PSPC1: variants seen among roughly 807,000 people sequenced by gnomAD.
The protein encoded by PSPC1 is paraspeckle component 1, also known as paraspeckle protein 1.
A neutral mutation model predicts 51.6 loss-of-function variants in PSPC1; 14 were observed. The ratio of observed to expected loss-of-function variants is 0.27; its 90% confidence interval spans 0.18 to 0.42. The LOEUF is 0.42. PSPC1 is among the 10% of genes least tolerant of loss of function. The pLI is 1.00. For missense variants in PSPC1, 406 were observed against 701.1 expected, an observed-to-expected ratio of 0.58 and a Z score of 4.75; for synonymous variants, 193 against 231.9, an observed-to-expected ratio of 0.83 and a Z score of 1.53.
chr13:19,771,756 G>A (rs561837877), intron 2 of PSPC1, among the ~76,000 whole-genome samples: 1 of 152,102 alleles, frequency 6.6e-6, no homozygotes, highest in Non-Finnish European at 1.5e-5. Context: ...CAGTAGCTGG[G>A]ACTACAGGCA....
chr13:19,700,335 A>G (rs780549222), downstream of PSPC1, among the ~76,000 whole-genome samples: 9 of 152,102 alleles, frequency 5.9e-5, no homozygotes, highest in Non-Finnish European at 8.8e-5. Context: ...TACAATTCCT[A>G]TTTTTATTAA....
intron 7 of PSPC1, among the ~76,000 whole-genome samples, chr13:19,709,121 T>A (rs1443673659): frequency 7.1e-6 from 1 of 140,088 alleles, no homozygotes; most frequent in Non-Finnish European, 1.5e-5. Context: ...TTTGTGCCAC[T>A]GTACTCCAGC....
intron 6 of PSPC1, among the ~76,000 whole-genome samples, chr13:19,691,348 G>GTGAGACCC (rs1878518854): frequency 6.6e-6 from 1 of 151,916 alleles, no homozygotes; most frequent in Non-Finnish European, 1.5e-5. Flanking sequence ...GGGCAACACA[G>GTGAGACCC]TGAGACCCTG....
intron 5 of PSPC1, among the ~76,000 whole-genome samples, chr13:19,731,646 T>C (rs1258949254): frequency 6.6e-6 from 1 of 152,132 alleles, no homozygotes; most frequent in Admixed American, 6.6e-5. Context: ...ACTCCTGGGC[T>C]CAAGTGGTCT....
downstream of PSPC1, among the ~76,000 whole-genome samples, chr13:19,698,135 GAAAACAT>G (rs1464604846): frequency 1.3e-5 from 2 of 151,972 alleles, no homozygotes; most frequent in Admixed American, 1.3e-4. Flanking sequence ...CAGTCAGAGA[GAAAACAT>G]AAAACATACT....
At chr13:19,759,535 A>C in intron 2 of PSPC1, 117 bp from the exon 3 acceptor site, 1 of 733,970 alleles carries the variant, frequency 1.4e-6, no homozygotes, top group Non-Finnish European at 2.2e-6. Flanking sequence ...TCACTTGAGA[A>C]AAATGTCTCA....
chr13:19,715,394 G>A (rs535813916), intron 6 of PSPC1, among the ~76,000 whole-genome samples: 55 of 152,230 alleles, frequency 3.6e-4, no homozygotes, highest in Non-Finnish European at 5.6e-4. Context: ...CACTTTTTGT[G>A]CAGAACATGG....
chr13:19,779,099 C>T (rs1390078032), intron 1 of PSPC1, among the ~76,000 whole-genome samples: 8 of 108,092 alleles, frequency 7.4e-5, no homozygotes, highest in Non-Finnish European at 1.0e-4. Flanking sequence ...TCTGCCCGGC[C>T]GCCCCGTCTG....
In PSPC1 at chr13:19,782,466, A is replaced by C; in HGVS notation, c.292T>G (p.Phe98Val). The C allele has an allele frequency of 6.2e-7, 1 of 1,611,792 alleles. No homozygotes were observed. The highest frequency in any genetic ancestry group is 8.5e-7 in the Non-Finnish European group (1 of 1,178,984). Residue 98 changes from phenylalanine (F) to valine (V), a missense_variant, in exon 1 of 9, where the codon TTC (phenylalanine) becomes GTC (valine). Physicochemically the swap from Phe to Val is conservative, Grantham distance 50. This residue lies in a region of PSPC1 where 180 missense variants were observed against 337.9 expected (regional missense o/e 0.53). Coordinates refer to ENST00000338910, the MANE Select transcript of PSPC1 (RefSeq NM_001354909.2). The surrounding 1 kb of genome is among the most constrained non-coding windows in gnomAD (Gnocchi z 4.5). ...NLPTDITEEDFKRLFERYGEP... is the reference protein window; with the variant it reads ...NLPTDITEEDVKRLFERYGEP... ...CCATAGCGTTCGAAGAGCCTCTTGA[A>C]GTCCTCCTCCGTGATGTCGGTGGGC... is the stretch of plus-strand genomic sequence containing the variant.
At chr13:19,742,385 C>T (rs1338036537) in intron 4 of PSPC1, among the ~76,000 whole-genome samples, 1 of 152,132 alleles carries the variant, frequency 6.6e-6, no homozygotes, top group Non-Finnish European at 1.5e-5. Flanking sequence ...AGGCGGATCA[C>T]TTCGGCCGAG....
intron 2 of PSPC1, among the ~76,000 whole-genome samples, chr13:19,765,382 TAA>T (rs1048286800): frequency 6.7e-6 from 1 of 148,324 alleles, no homozygotes; most frequent in Non-Finnish European, 1.5e-5. Flanking sequence ...ATGACGATAT[TAA>T]TAAAATATTT....
At chr13:19,708,808 T>C (rs1881029455) in intron 7 of PSPC1, among the ~76,000 whole-genome samples, 4 of 152,158 alleles carry the variant, frequency 2.6e-5, no homozygotes, top group African/African-American at 7.2e-5. Context: ...TATAAAACGC[T>C]CTCCACCTAA....
intron 6 of PSPC1, among the ~76,000 whole-genome samples, chr13:19,689,600 G>C (rs181741447): frequency 7.2e-5 from 11 of 152,182 alleles, no homozygotes; most frequent in Middle Eastern, 3.4e-3. Context: ...AAGAAGAGAA[G>C]AAAAAAACAA....
At chr13:19,765,875 T>C (rs1888021527) in intron 2 of PSPC1, among the ~76,000 whole-genome samples, 1 of 152,188 alleles carries the variant, frequency 6.6e-6, no homozygotes, top group African/African-American at 2.4e-5. Context: ...CTCATTATTT[T>C]CAACAGGCAA....
At chr13:19,717,593 C>A (rs1332378633) in intron 6 of PSPC1, among the ~76,000 whole-genome samples, 1 of 151,064 alleles carries the variant, frequency 6.6e-6, no homozygotes, top group Non-Finnish European at 1.5e-5. Context: ...GTAGTCCCAG[C>A]TACTCGGGAG....
intron 8 of PSPC1, among the ~76,000 whole-genome samples, chr13:19,703,775 G>C (rs936947589): frequency 6.6e-6 from 1 of 151,822 alleles, no homozygotes; most frequent in African/African-American, 2.4e-5. Context: ...GCATCAATTC[G>C]GTTTTTTAAA....
intron 1 of PSPC1, among the ~76,000 whole-genome samples, chr13:19,778,525 G>A (rs2138371654): frequency 7.1e-6 from 1 of 141,728 alleles, no homozygotes; most frequent in African/African-American, 2.6e-5. Context: ...GCAATTGCAG[G>A]CACGCGCCGC....
At chr13:19,685,966 T>C (rs142735950) in intron 6 of PSPC1, among the ~76,000 whole-genome samples, 120 of 152,320 alleles carry the variant, frequency 7.9e-4, no homozygotes, top group Non-Finnish European at 1.2e-3. Flanking sequence ...CCATTACTGC[T>C]ATATGCATCT....
At chr13:19,739,894 A>AGCTTTCAG (rs1290144368) in intron 5 of PSPC1, among the ~76,000 whole-genome samples, 1 of 151,642 alleles carries the variant, frequency 6.6e-6, no homozygotes, top group Non-Finnish European at 1.5e-5. Context: ...GTAGTTCTCA[A>AGCTTTCAG]GCTTTCAGAT....
Sources: allele counts gnomAD v4.1 joint callset (sites outside exome capture counted in the v4.1 genomes callset), GRCh38; gene constraint gnomAD v4.1.1; regional missense constraint gnomAD v4.1.1; non-coding constraint Gnocchi (gnomAD v3.1); transcripts MANE v1.5; gene names NCBI Gene and HGNC (gene_info 2026-07-23, HGNC 2026-07-21).